The following GRM8 variants were observed in gnomAD, a reference collection of about 807,000 sequenced individuals.
The protein encoded by GRM8 is metabotropic glutamate receptor 8.
GRM8 carries 47 observed loss-of-function variants against 87.2 expected under a neutral mutation model. The ratio of observed to expected loss-of-function variants is 0.54; its 90% CI spans 0.43 to 0.69. The LOEUF is 0.69. GRM8 is among the 30% of genes least tolerant of loss of function. The pLI, the probability that GRM8 is intolerant of heterozygous loss-of-function variation, is 0.00. For missense variants in GRM8, 1,019 were observed against 1,139.2 expected (o/e 0.89, Z 1.52); for synonymous variants, 396 against 404.5 (o/e 0.98, Z 0.25).
intron 7 of GRM8, among the ~76,000 whole-genome samples, chr7:126,616,090 T>A (rs1403780817): frequency 6.6e-6 from 1 of 152,058 alleles, no homozygotes; most frequent in Non-Finnish European, 1.5e-5. Context: ...CAGCACCACA[T>A]CACACTTATT....
At chr7:126,656,000 C>T (rs1265510370) in intron 7 of GRM8, among the ~76,000 whole-genome samples, 2 of 152,130 alleles carry the variant, frequency 1.3e-5, no homozygotes, top group Non-Finnish European at 2.9e-5. Context: ...GGTAATGTAA[C>T]ATAAATAATA....
rs552757598 is a variant in GRM8 at position 127,185,441 on chromosome 7, G to A, written c.510+57254C>T. Among the ~76,000 whole-genome samples the A allele has an allele frequency of 7.1e-4, 108 of 152,136 alleles. 1 individual carries two copies. The Middle Eastern group carries it at 0.01, about 14-fold the overall frequency. On this transcript the variant is annotated intron_variant, in intron 2 of 10. Transcript: ENST00000339582. ...AATAAGAAAAATAACTTAGACATAG[G>A]CCTTATACCTTTAACAAAAATTAAC... is the stretch of plus-strand genomic sequence containing the variant.
chr7:126,912,476 A>G (rs1272826811), intron 3 of GRM8, among the ~76,000 whole-genome samples: 2 of 152,132 alleles, frequency 1.3e-5, no homozygotes, highest in Admixed American at 6.5e-5. Flanking sequence ...AGATTGTAAA[A>G]CTTTTCATCC....
chr7:127,125,777 C>CACACACACACAT (rs1221460700), intron 2 of GRM8, among the ~76,000 whole-genome samples: 1 of 150,914 alleles, frequency 6.6e-6, no homozygotes, highest in Non-Finnish European at 1.5e-5. Flanking sequence ...CACACACACA[C>CACACACACACAT]ACACACACAC....
intron 3 of GRM8, among the ~76,000 whole-genome samples, chr7:126,993,981 C>T (rs1187251346): frequency 6.6e-6 from 1 of 152,180 alleles, no homozygotes; most frequent in African/African-American, 2.4e-5. Context: ...TGGGGTGGCA[C>T]ATGGCCTAGA....
intron 2 of GRM8, among the ~76,000 whole-genome samples, chr7:127,171,142 G>A (rs17865650): frequency 2.0e-5 from 3 of 152,162 alleles, no homozygotes; most frequent in African/African-American, 7.2e-5. Flanking sequence ...GATGCAAATA[G>A]CAAGAGAACT....
At chr7:127,040,393 G>A (rs905015026) in intron 3 of GRM8, among the ~76,000 whole-genome samples, 1 of 152,126 alleles carries the variant, frequency 6.6e-6, no homozygotes, top group African/African-American at 2.4e-5. Context: ...TTTACACTCA[G>A]ATGCCACAAA....
intron 7 of GRM8, among the ~76,000 whole-genome samples, chr7:126,650,588 G>T (rs1803707667): frequency 6.6e-6 from 1 of 152,124 alleles, no homozygotes; most frequent in Non-Finnish European, 1.5e-5. Flanking sequence ...CAGTGGTTTG[G>T]CTGGATGGTC....
chr7:126,468,189 C>G (rs1253930668), intron 9 of GRM8, among the ~76,000 whole-genome samples: 3 of 151,984 alleles, frequency 2.0e-5, no homozygotes, highest in African/African-American at 4.8e-5. Flanking sequence ...TGCCTACAAT[C>G]CCAGAGAGAC....
At chr7:126,862,952 A>G (rs1262011908) in intron 6 of GRM8, among the ~76,000 whole-genome samples, 2 of 151,928 alleles carry the variant, frequency 1.3e-5, no homozygotes, top group South Asian at 2.1e-4. Context: ...TCTGTTTGCT[A>G]TTGTATTACT....
chr7:126,659,932 G>T (rs1318722377), intron 7 of GRM8, among the ~76,000 whole-genome samples: 2 of 152,000 alleles, frequency 1.3e-5, no homozygotes, highest in Non-Finnish European at 2.9e-5. Context: ...CTTTTTAAAA[G>T]ACCTCTTTAC....
intron 3 of GRM8, among the ~76,000 whole-genome samples, chr7:126,949,071 AC>A (rs1255060315): frequency 6.6e-6 from 1 of 152,244 alleles, no homozygotes; most frequent in African/African-American, 2.4e-5. Flanking sequence ...ACTAACACCT[AC>A]CTTGTATCCT....
In GRM8 at chr7:126,650,171, AC is replaced by A. The variant is rs1803649108; in HGVS notation, c.1358-40674del. On this transcript the variant is annotated intron_variant, in intron 7 of 10. Coordinates refer to ENST00000339582, the MANE Select transcript of GRM8 (RefSeq NM_000845.3). ...CCTACTCACAAAGTGGGTCATGTCCACAGCATTCCATCATCAAATGGAAGTA... is the reference window on the plus strand; with the variant it reads ...CCTACTCACAAAGTGGGTCATGTCCAAGCATTCCATCATCAAATGGAAGTA... Among the ~76,000 whole-genome samples, 3 of 152,194 alleles carry A rather than the reference AC, an allele frequency of 2.0e-5. No homozygotes were observed. In the South Asian group the frequency reaches 6.2e-4, roughly 31 times the overall value.
In GRM8 at chr7:126,564,364, A is replaced by C. The variant is rs554177296; in HGVS notation, c.1495-30477T>G. Among the ~76,000 whole-genome samples the C allele has an allele frequency of 6.6e-5, 10 of 152,320 alleles. No individual in the cohort carries two copies. The South Asian group carries it at 1.9e-3, about 28-fold the overall frequency. ...GTCAGCCATGGTTACCAGCATATGGAACCAGACTGAACCAGAGTGAAGTCA... is the reference window on the plus strand; with the variant it reads ...GTCAGCCATGGTTACCAGCATATGGCACCAGACTGAACCAGAGTGAAGTCA... On this transcript the variant is annotated intron_variant, in intron 8 of 10. Coordinates refer to ENST00000339582, the MANE Select transcript of GRM8 (RefSeq NM_000845.3).
intron 9 of GRM8, among the ~76,000 whole-genome samples, chr7:126,457,095 A>G (rs73722612): frequency 0.03 from 4,606 of 151,498 alleles, 234 homozygotes; most frequent in African/African-American, 0.11. Flanking sequence ...GTGTGTATTG[A>G]AGTCAAAAAT....
intron 9 of GRM8, among the ~76,000 whole-genome samples, chr7:126,513,643 C>A (rs1014643874): frequency 1.1e-4 from 16 of 152,222 alleles, no homozygotes; most frequent in Middle Eastern, 6.8e-3. Context: ...CATACATTTC[C>A]CTTCATTATC....
intron 3 of GRM8, among the ~76,000 whole-genome samples, chr7:127,022,989 T>G (rs929562245): frequency 1.3e-5 from 2 of 152,098 alleles, no homozygotes. Context: ...AGTAGGTGAC[T>G]TTCTAGAAAC....
chr7:126,659,692 A>C (rs1489979827), intron 7 of GRM8, among the ~76,000 whole-genome samples: 1 of 152,224 alleles, frequency 6.6e-6, no homozygotes, highest in Non-Finnish European at 1.5e-5. Flanking sequence ...TATTCTTAAA[A>C]CATTAAAGAC....
At chr7:127,105,322 A>T (rs936532739) in intron 3 of GRM8, 1 of 152,244 alleles carries the variant, frequency 6.6e-6, no homozygotes, top group African/African-American at 2.4e-5. Flanking sequence ...TGTCCAATTA[A>T]ATCAATTAGC....
Sources: gnomAD v4.1 joint callset for allele counts (sites outside exome capture counted in the v4.1 genomes callset) on GRCh38, gnomAD v4.1.1 for gene constraint, MANE v1.5 for transcripts, NCBI Gene and HGNC (gene_info 2026-07-23, HGNC 2026-07-21) for gene names.